Variants in FRYL observed in about 807,000 individuals in gnomAD.
FRYL encodes the protein protein furry homolog-like.
Under a neutral mutation model 351.2 loss-of-function variants are expected in FRYL, and 150 were observed. That is an observed-to-expected ratio of 0.43 (90% CI 0.37 to 0.49). The LOEUF (loss-of-function observed/expected upper bound fraction) is 0.49, where lower values mean the gene tolerates loss of function less well. FRYL is among the 20% of genes least tolerant of loss of function. FRYL has a pLI of 0.00. For synonymous variants in FRYL, 1,153 were observed against 1,257.1 expected (o/e 0.92, Z 1.75); for missense variants, 3,036 against 3,619.3 (o/e 0.84, Z 4.13).
intron 1 of FRYL, among the ~76,000 whole-genome samples, chr4:48,746,107 C>G (rs1238935091): frequency 6.6e-6 from 1 of 152,200 alleles, no homozygotes; most frequent in Non-Finnish European, 1.5e-5. Flanking sequence ...TCAAATCAAT[C>G]AAGCACCTCC....
intron 2 of FRYL, among the ~76,000 whole-genome samples, chr4:48,686,572 A>G (rs1254700045): frequency 6.6e-6 from 1 of 152,246 alleles, no homozygotes; most frequent in East Asian, 1.9e-4. Context: ...TGCACTGGAC[A>G]ATATTTAATG....
chr4:48,511,533 T>C (rs1722473366), intron 57 of FRYL, among the ~76,000 whole-genome samples: 1 of 152,218 alleles, frequency 6.6e-6, no homozygotes, highest in Admixed American at 6.5e-5. Flanking sequence ...AGTATAATTA[T>C]TACATCAATG....
At position 48,540,075 on chromosome 4, in the gene FRYL, A is replaced by G. The variant is rs779212740; in HGVS notation, c.6296-7T>C. ...AGGATGTTAAGAGGAAAGCCTATCA[A>G]AACAAAAAAAAGCAAACAATAACCA... is the stretch of plus-strand genomic sequence containing the variant. On this transcript the variant is annotated splice_polypyrimidine_tract_variant and splice_region_variant and intron_variant, in intron 46 of 63. Transcript: ENST00000358350. 15 of 1,599,322 alleles carry G rather than the reference A, an allele frequency of 9.4e-6. No homozygotes were observed. Among genetic ancestry groups the G allele is most frequent in the Non-Finnish European group, 1.0e-5 (12 of 1,172,966 alleles).
rs1433342045 is a variant in FRYL at position 48,576,224 on chromosome 4, T to C, written c.2529-2A>G. 1 of 1,564,868 alleles carries C rather than the reference T, an allele frequency of 6.4e-7. No individual in the cohort carries two copies. Among genetic ancestry groups the C allele is most frequent in the Non-Finnish European group, 8.6e-7 (1 of 1,158,980 alleles). On this transcript the variant is annotated splice_acceptor_variant, in intron 23 of 63. Transcript: ENST00000358350. LOFTEE classifies it high-confidence loss of function. ...ACTTTCTTAGCATTGATGGGGCTAC[T>C]AAGGAAAAAAAAAGAAAAATAGGCA...
chr4:48,558,404 A>G (rs1734616462), intron 33 of FRYL, among the ~76,000 whole-genome samples: 1 of 152,152 alleles, frequency 6.6e-6, no homozygotes, highest in African/African-American at 2.4e-5. Flanking sequence ...TAGAAACACA[A>G]AGTAGAATTC....
At chr4:48,772,403 C>G (rs541070991) in intron 1 of FRYL, among the ~76,000 whole-genome samples, 2 of 152,042 alleles carry the variant, frequency 1.3e-5, no homozygotes, top group South Asian at 4.1e-4. Flanking sequence ...TAAATAAATA[C>G]CTTTCTAAAC....
Position 48,564,941 on chromosome 4 carries a change from C to T in FRYL, c.3433G>A (p.Asp1145Asn), listed in dbSNP as rs775141025. The change falls in exon 30 of 64, where the codon GAC (aspartate) becomes AAC (asparagine). Residue 1145 changes from aspartate to asparagine, a missense_variant. Physicochemically the swap from Asp to Asn is conservative, Grantham distance 23. This residue lies in a region of FRYL where 1,987 missense variants were observed against 2,311.7 expected (regional missense o/e 0.86). Transcript: ENST00000358350. ...KWLDNILDSL[D>N]KKVHQLGCEA... ...GAAATTGTCATAATTACCTTTTTGT[C>T]CAGAGAATCCAAAATGTTATCCAAC... 9.4e-5 allele frequency: 147 copies of T among 1,561,978 alleles called. No homozygotes were observed. Among genetic ancestry groups the T allele is most frequent in the Non-Finnish European group, 1.2e-4 (140 of 1,138,228 alleles).
At chr4:48,746,402 G>C (rs766657814) in intron 1 of FRYL, among the ~76,000 whole-genome samples, 1 of 151,864 alleles carries the variant, frequency 6.6e-6, no homozygotes, top group Non-Finnish European at 1.5e-5. Context: ...AAAATTAGCC[G>C]GGCATGGTGG....
rs185356560 is a variant in FRYL, at chr4:48,762,958, C to T, written c.-384+17120G>A. Among the ~76,000 whole-genome samples the T allele has an allele frequency of 1.6e-4, 24 of 152,044 alleles. 1 individual carries two copies. The highest frequency in any genetic ancestry group is 5.8e-4 in the African/African-American group (24 of 41,476). ...AGCATGGTTCTAGGAAAAGACCCAA[C>T]CTTTTATACTATTCTCCAGGGAAAG... is the stretch of plus-strand genomic sequence containing the variant. On this transcript the variant is annotated intron_variant, in intron 1 of 63. Transcript: ENST00000358350.
chr4:48,622,361 T>C (rs1295406128), intron 5 of FRYL, among the ~76,000 whole-genome samples: 7 of 152,138 alleles, frequency 4.6e-5, no homozygotes, highest in Non-Finnish European at 1.0e-4. Flanking sequence ...TGGTTTCTTC[T>C]TAGACCAGTG....
rs565194437 is a variant in FRYL, at chr4:48,704,775, C to A, written c.-204+5744G>T. On this transcript the variant is annotated intron_variant, in intron 2 of 63. Coordinates refer to ENST00000358350, the MANE Select transcript of FRYL (RefSeq NM_015030.2). ...ACCAGCCTGGCCAACAAGGCAAAAC[C>A]CCGTCTCTACTAAAAGTACAAAAAT... Among the ~76,000 whole-genome samples, 10 of 152,084 alleles carry A rather than the reference C, an allele frequency of 6.6e-5. No homozygotes were observed. In the South Asian group the frequency reaches 2.1e-3, roughly 32 times the overall value.
intron 1 of FRYL, among the ~76,000 whole-genome samples, chr4:48,778,771 A>T (rs1392019684): frequency 6.6e-6 from 1 of 152,192 alleles, no homozygotes; most frequent in Non-Finnish European, 1.5e-5. Context: ...TTTACAGACG[A>T]TATCTCCTAG....
At chr4:48,716,870 C>A (rs1768895039) in intron 1 of FRYL, among the ~76,000 whole-genome samples, 1 of 151,048 alleles carries the variant, frequency 6.6e-6, no homozygotes, top group Non-Finnish European at 1.5e-5. Flanking sequence ...TTGGAACCAA[C>A]CCAAATGTCC....
chr4:48,596,326 C>T (rs1471980999), intron 13 of FRYL, among the ~76,000 whole-genome samples: 1 of 152,064 alleles, frequency 6.6e-6, no homozygotes, highest in Non-Finnish European at 1.5e-5. Context: ...CACTCCAATA[C>T]TGACATAATG....
At chr4:48,708,291 T>A (rs1390783989) in intron 2 of FRYL, among the ~76,000 whole-genome samples, 1 of 4,536 alleles carries the variant, frequency 2.2e-4, no homozygotes, top group African/African-American at 2.4e-4. Context: ...AAAAAATAAA[T>A]AAATAAATAA....
At chr4:48,618,958 A>G in intron 7 of FRYL, 1 of 221,016 alleles carries the variant, frequency 4.5e-6, no homozygotes. Flanking sequence ...AAGTGGAATA[A>G]GGGACTGAAG....
At chr4:48,671,873 CAAAAAAAA>C (rs71191252) in intron 3 of FRYL, among the ~76,000 whole-genome samples, 6 of 51,836 alleles carry the variant, frequency 1.2e-4, no homozygotes, top group African/African-American at 4.4e-4. Context: ...AAAAAAAAAA[CAAAAAAAA>C]AAAAAAAAAA....
At chr4:48,742,719 A>C (rs183456024) in intron 1 of FRYL, among the ~76,000 whole-genome samples, 1 of 152,294 alleles carries the variant, frequency 6.6e-6, no homozygotes, top group East Asian at 1.9e-4. Context: ...CCAATCATTA[A>C]AACTACACAT....
At chr4:48,763,172 A>G (rs527920103) in intron 1 of FRYL, among the ~76,000 whole-genome samples, 2 of 151,922 alleles carry the variant, frequency 1.3e-5, no homozygotes, top group East Asian at 1.9e-4. Flanking sequence ...AAATTTAAAT[A>G]CTTGGAGGCC....
Sources: allele counts gnomAD v4.1 joint callset (sites outside exome capture counted in the v4.1 genomes callset), GRCh38; gene constraint gnomAD v4.1.1; regional missense constraint gnomAD v4.1.1; transcripts MANE v1.5; gene names NCBI Gene and HGNC (gene_info 2026-07-23, HGNC 2026-07-21).